The following LRP1B variants were observed in gnomAD, a reference collection of about 807,000 sequenced individuals.
LRP1B encodes the protein LDL receptor related protein 1B.
LRP1B carries 217 observed loss-of-function variants against 556.6 expected under a neutral mutation model. The observed-to-expected ratio is 0.39, with a 90% CI of 0.35 to 0.44. LRP1B has a LOEUF of 0.44. Ranked by LOEUF, LRP1B falls within the 20% of genes least tolerant of loss-of-function variation. The pLI is 1.00. For synonymous variants in LRP1B, 2,047 were observed against 1,865.8 expected, an observed-to-expected ratio of 1.10 and a Z score of -2.50; for missense variants, 5,053 against 5,620.8, an observed-to-expected ratio of 0.90 and a Z score of 3.23.
Position 141,178,976 on chromosome 2 carries a change from A to G in LRP1B, c.1013+9445T>C, listed in dbSNP as rs556004852. ...TCTAGACTTTATAAAAGCAACTATC[A>G]TTAGCCTACTAAATACCGTTGTTAT... On this transcript the variant is annotated intron_variant, in intron 7 of 90. Coordinates refer to ENST00000389484, the MANE Select transcript of LRP1B (RefSeq NM_018557.3). 2.6e-5 allele frequency among the ~76,000 whole-genome samples: 4 copies of G among 152,216 alleles called. No homozygotes were observed. The East Asian group carries it at 7.8e-4, about 29-fold the overall frequency.
intron 1 of LRP1B, among the ~76,000 whole-genome samples, chr2:142,118,235 A>G (rs764494118): frequency 6.6e-6 from 1 of 152,138 alleles, no homozygotes; most frequent in Non-Finnish European, 1.5e-5. Context: ...TGGGTTTACA[A>G]TGTCGTGATG....
intron 32 of LRP1B, among the ~76,000 whole-genome samples, chr2:140,792,737 C>G (rs1690166996): frequency 1.3e-5 from 2 of 151,980 alleles, no homozygotes; most frequent in African/African-American, 4.8e-5. Context: ...CCAGGTATTT[C>G]AAGTGGAGAG....
At chr2:141,841,315 T>C (rs1297198374) in intron 1 of LRP1B, among the ~76,000 whole-genome samples, 3 of 152,210 alleles carry the variant, frequency 2.0e-5, no homozygotes, top group Non-Finnish European at 4.4e-5. Flanking sequence ...GACTGCCTTA[T>C]TTTTAAAAAC....
Position 140,715,251 on chromosome 2 carries a change from A to G in LRP1B, c.6023+722T>C, listed in dbSNP as rs115661660. Among the ~76,000 whole-genome samples, 676 of 152,110 alleles carry G rather than the reference A, an allele frequency of 4.4e-3. 7 individuals carry two copies. Among genetic ancestry groups the G allele is most frequent in the Middle Eastern group, 0.024 (7 of 294 alleles). ...TGAAAGATTTTAAGTAAGCAGATGT[A>G]TATTAAAAAAAAATCACTCTAGGCT... On this transcript the variant is annotated intron_variant, in intron 37 of 90. Transcript: ENST00000389484.
rs572824910 is a variant in LRP1B, at chr2:142,030,460, C to T, written c.82+100188G>A. 1.7e-3 allele frequency among the ~76,000 whole-genome samples: 264 copies of T among 151,714 alleles called. 2 individuals carry two copies. The highest frequency in any genetic ancestry group is 0.017 in the Admixed American group (254 of 15,194). ...ATATAAAACTTTAAATGATAAATGG[C>T]CCTAGAATACTTTCACAATTAAGTT... is the stretch of plus-strand genomic sequence containing the variant. On this transcript the variant is annotated intron_variant, in intron 1 of 90. Transcript: ENST00000389484.
chr2:141,053,828 A>ATGTGTG (rs59661474), intron 10 of LRP1B, among the ~76,000 whole-genome samples: 64,045 of 150,076 alleles, frequency 0.43, 14,045 homozygotes, highest in Non-Finnish European at 0.49. Context: ...GTGTGTATAT[A>ATGTGTG]TGTGTGTGTG....
intron 66 of LRP1B, among the ~76,000 whole-genome samples, chr2:140,390,998 T>C (rs1683994249): frequency 6.6e-6 from 1 of 152,102 alleles, no homozygotes; most frequent in African/African-American, 2.4e-5. Context: ...ATATCTACCA[T>C]GTGACTCAGC....
chr2:141,701,567 T>C (rs144984992), intron 2 of LRP1B, among the ~76,000 whole-genome samples: 5 of 152,024 alleles, frequency 3.3e-5, no homozygotes, highest in Non-Finnish European at 7.4e-5. Context: ...GAAACAAGGT[T>C]ACTGCTACCC....
chr2:140,827,869 G>C (rs1573771868), intron 31 of LRP1B, among the ~76,000 whole-genome samples: 1 of 152,140 alleles, frequency 6.6e-6, no homozygotes, highest in African/African-American at 2.4e-5. Context: ...AAAGCATCAA[G>C]AGATAAGAAG....
chr2:140,939,117 A>G (rs1695318551), intron 20 of LRP1B, among the ~76,000 whole-genome samples: 1 of 152,094 alleles, frequency 6.6e-6, no homozygotes. Context: ...GAAAAAAAGT[A>G]CTACAAGGGA....
intron 41 of LRP1B, among the ~76,000 whole-genome samples, chr2:140,676,770 A>G (rs1685685316): frequency 6.6e-6 from 1 of 152,214 alleles, no homozygotes; most frequent in African/African-American, 2.4e-5. Context: ...CCCTTGTATT[A>G]TAGGACATTT....
In LRP1B at chr2:140,356,438, A is replaced by T. The variant is rs1573838163; in HGVS notation, c.11434T>A (p.Cys3812Ser). 1 of 1,606,752 alleles carries T rather than the reference A, an allele frequency of 6.2e-7. No homozygotes were observed. The highest frequency in any genetic ancestry group is 8.5e-7 in the Non-Finnish European group (1 of 1,174,156). The change falls in exon 75 of 91, where the codon TGT (cysteine) becomes AGT (serine). Residue 3812 changes from cysteine to serine, a missense_variant. Around this residue, in one of 5 missense-constraint regions of LRP1B, gnomAD observed 599 missense variants for 648.4 expected, o/e 0.92. Coordinates refer to ENST00000389484, the MANE Select transcript of LRP1B (RefSeq NM_018557.3). ...TGATTACAATATGCATCATCTCCAC[A>T]TGGATTCACATTATCTTCACAGGTA... is the stretch of plus-strand genomic sequence containing the variant. The part of the protein sequence containing the change: ...EYTCEDNVNP[C>S]GDDAYCNQIK...
At chr2:141,787,115 C>G (rs1292755366) in intron 2 of LRP1B, among the ~76,000 whole-genome samples, 1 of 151,854 alleles carries the variant, frequency 6.6e-6, no homozygotes, top group Non-Finnish European at 1.5e-5. Context: ...AGATGCAAAA[C>G]AACTGGAACT....
chr2:141,324,012 C>CACAG (rs1388722067), intron 3 of LRP1B, among the ~76,000 whole-genome samples: 1 of 137,952 alleles, frequency 7.2e-6, no homozygotes, highest in African/African-American at 2.8e-5. Flanking sequence ...CACACACACA[C>CACAG]ACCTGAACAA....
chr2:141,453,782 G>C (rs1362292999), intron 3 of LRP1B, among the ~76,000 whole-genome samples: 1 of 151,802 alleles, frequency 6.6e-6, no homozygotes, highest in Non-Finnish European at 1.5e-5. Flanking sequence ...GCCGGGTGTG[G>C]TGACACCTGC....
intron 3 of LRP1B, among the ~76,000 whole-genome samples, chr2:141,272,110 A>C (rs1685112494): frequency 6.6e-6 from 1 of 152,208 alleles, no homozygotes; most frequent in East Asian, 1.9e-4. Context: ...AATTATACAA[A>C]GTAACAATTA....
At chr2:140,258,462 A>G (rs1469934001) in intron 86 of LRP1B, among the ~76,000 whole-genome samples, 1 of 152,134 alleles carries the variant, frequency 6.6e-6, no homozygotes, top group Non-Finnish European at 1.5e-5. Flanking sequence ...CTGTCATTGC[A>G]CTACTAACCT....
chr2:141,359,267 G>GAAAAAAAAAAAAACAACAAAAAAAAAAA (rs1688733196), intron 3 of LRP1B, among the ~76,000 whole-genome samples: 1 of 123,502 alleles, frequency 8.1e-6, no homozygotes, highest in Non-Finnish European at 1.7e-5. Context: ...CAAAATAAAT[G>GAAAAAAAAAAAAACAACAAAAAAAAAAA]AAAAAAAAAA....
chr2:140,704,763 T>G (rs1559066214), intron 37 of LRP1B, among the ~76,000 whole-genome samples: 1 of 152,130 alleles, frequency 6.6e-6, no homozygotes, highest in Non-Finnish European at 1.5e-5. Flanking sequence ...ATCTGATTCT[T>G]ATCATCTATT....
Sources: allele counts gnomAD v4.1 joint callset (sites outside exome capture counted in the v4.1 genomes callset), GRCh38; gene constraint gnomAD v4.1.1; regional missense constraint gnomAD v4.1.1; transcripts MANE v1.5; gene names NCBI Gene and HGNC (gene_info 2026-07-23, HGNC 2026-07-21).